The following SH3BGR variants were observed in gnomAD, a reference collection of about 807,000 sequenced individuals.
The protein encoded by SH3BGR is SH3 domain-binding glutamic acid-rich protein.
In SH3BGR, 29 loss-of-function variants were observed where a neutral mutation model predicts 24.5. That is an observed-to-expected ratio of 1.18 (90% CI 0.88 to 1.61). The LOEUF (loss-of-function observed/expected upper bound fraction) is 1.61, where lower values mean the gene tolerates loss of function less well. SH3BGR is among the 40% of genes most tolerant of loss of function. The probability of loss-of-function intolerance (pLI) is 0.00; values close to 1 mark genes in which losing one functional copy is unlikely to be tolerated. For missense variants in SH3BGR, 162 were observed against 205.8 expected (o/e 0.79, Z 1.30); for synonymous variants, 55 against 65.7 (o/e 0.84, Z 0.79).
At chr21:39,454,088 G>C (rs1230957485) in intron 1 of SH3BGR, among the ~76,000 whole-genome samples, 1 of 152,164 alleles carries the variant, frequency 6.6e-6, no homozygotes, top group African/African-American at 2.4e-5. Flanking sequence ...CCACATACAT[G>C]AGAGAATTTC....
chr21:39,498,134 C>T (rs989702643), intron 3 of SH3BGR, among the ~76,000 whole-genome samples: 1 of 152,186 alleles, frequency 6.6e-6, no homozygotes, highest in African/African-American at 2.4e-5. Flanking sequence ...TGAAGTTGTG[C>T]ATACTGTGTT....
intron 4 of SH3BGR, among the ~76,000 whole-genome samples, chr21:39,500,993 GA>G (rs2078485417): frequency 6.6e-6 from 1 of 152,158 alleles, no homozygotes; most frequent in African/African-American, 2.4e-5. Flanking sequence ...TTTAAAGAAA[GA>G]CAAAATCTTC....
chr21:39,450,956 G>A (rs1340853504), upstream of SH3BGR, among the ~76,000 whole-genome samples: 1 of 151,870 alleles, frequency 6.6e-6, no homozygotes, highest in East Asian at 1.9e-4. Flanking sequence ...ACAGATACAG[G>A]CGCCTGCCAA....
intron 3 of SH3BGR, among the ~76,000 whole-genome samples, chr21:39,497,667 G>A (rs550746169): frequency 1.3e-5 from 2 of 151,740 alleles, no homozygotes; most frequent in South Asian, 2.1e-4. Context: ...AAATAAAATG[G>A]GCAAAACATA....
chr21:39,482,180 C>T (rs2078140546), intron 3 of SH3BGR, among the ~76,000 whole-genome samples: 1 of 152,118 alleles, frequency 6.6e-6, no homozygotes, highest in Non-Finnish European at 1.5e-5. Flanking sequence ...ATAAAAAACA[C>T]AGAGGAAGAG....
chr21:39,451,919 G>C (rs764810782), upstream of SH3BGR: 28 of 1,613,962 alleles, frequency 1.7e-5, no homozygotes, highest in Non-Finnish European at 2.3e-5. Context: ...TGCCTCTGCT[G>C]CTCCTTGGAG....
chr21:39,478,879 A>G (rs2078071025), intron 3 of SH3BGR, among the ~76,000 whole-genome samples: 1 of 151,908 alleles, frequency 6.6e-6, no homozygotes, highest in Non-Finnish European at 1.5e-5. Context: ...ATAGCTTCCT[A>G]TTCTTATTAT....
chr21:39,474,422 G>GTAA (rs2077993190), intron 2 of SH3BGR, among the ~76,000 whole-genome samples: 1 of 152,210 alleles, frequency 6.6e-6, no homozygotes, highest in South Asian at 2.1e-4. Context: ...AAGATTGGCA[G>GTAA]TAATAAAGTA....
At chr21:39,479,174 A>T (rs1043150682) in intron 3 of SH3BGR, among the ~76,000 whole-genome samples, 3 of 149,886 alleles carry the variant, frequency 2.0e-5, no homozygotes, top group African/African-American at 7.4e-5. Context: ...TTTCGAGGCC[A>T]GTCTTGGCAA....
At chr21:39,470,910 T>A (rs893377488) in intron 2 of SH3BGR, among the ~76,000 whole-genome samples, 4 of 152,176 alleles carry the variant, frequency 2.6e-5, no homozygotes, top group Non-Finnish European at 5.9e-5. Flanking sequence ...TTCACCTTCA[T>A]GCTTGAAAAA....
At chr21:39,449,367 C>T (rs2077548067), upstream of SH3BGR, among the ~76,000 whole-genome samples, 1 of 152,160 alleles carries the variant, frequency 6.6e-6, no homozygotes, top group Non-Finnish European at 1.5e-5. Flanking sequence ...ATCTCCTGGT[C>T]TTTGTGAACA....
At chr21:39,461,438 T>C (rs539424305) in intron 1 of SH3BGR, among the ~76,000 whole-genome samples, 1 of 151,824 alleles carries the variant, frequency 6.6e-6, no homozygotes, top group African/African-American at 2.4e-5. Flanking sequence ...TGCTTGGCTG[T>C]TTGTAGATCT....
At chr21:39,509,930 A>G (rs1343094923) in intron 5 of SH3BGR, among the ~76,000 whole-genome samples, 1 of 152,078 alleles carries the variant, frequency 6.6e-6, no homozygotes, top group African/African-American at 2.4e-5. Context: ...AATCCCCCCA[A>G]AGAAACTTTT....
At chr21:39,509,721 C>T (rs966600287) in intron 5 of SH3BGR, among the ~76,000 whole-genome samples, 1 of 151,946 alleles carries the variant, frequency 6.6e-6, no homozygotes, top group Non-Finnish European at 1.5e-5. Context: ...GTGATCCACC[C>T]ACCTCGGCCT....
upstream of SH3BGR, chr21:39,451,699 C>T (rs1301282611): frequency 5.0e-6 from 3 of 598,092 alleles, no homozygotes; most frequent in Non-Finnish European, 8.7e-6. Flanking sequence ...CCTCCTGCTG[C>T]TCTGTTACCG....
intron 1 of SH3BGR, among the ~76,000 whole-genome samples, chr21:39,452,842 G>T (rs186477612): frequency 6.6e-6 from 1 of 152,298 alleles, no homozygotes. Flanking sequence ...AAGAAATAGG[G>T]GTGATGAAGT....
chr21:39,459,015 A>T (rs563578758), intron 1 of SH3BGR, among the ~76,000 whole-genome samples: 1 of 151,554 alleles, frequency 6.6e-6, no homozygotes, highest in Admixed American at 6.6e-5. Flanking sequence ...TTCTATATCC[A>T]TATTGTACCA....
upstream of SH3BGR, among the ~76,000 whole-genome samples, chr21:39,448,251 C>A (rs767479868): frequency 5.3e-5 from 8 of 152,258 alleles, no homozygotes; most frequent in Middle Eastern, 3.4e-3. Flanking sequence ...TGAGGTTTGG[C>A]TGAACATGAA....
chr21:39,458,448 C>A (rs909424915), intron 1 of SH3BGR, among the ~76,000 whole-genome samples: 1 of 151,998 alleles, frequency 6.6e-6, no homozygotes, highest in Non-Finnish European at 1.5e-5. Flanking sequence ...AAGCGATTCT[C>A]CTGCCTCAGC....
Sources: gnomAD v4.1 joint callset for allele counts (sites outside exome capture counted in the v4.1 genomes callset) on GRCh38, gnomAD v4.1.1 for gene constraint, MANE v1.5 for transcripts, NCBI Gene and HGNC (gene_info 2026-07-23, HGNC 2026-07-21) for gene names.